The following SHC4 variants were observed in gnomAD, a reference collection of about 807,000 sequenced individuals.
The protein encoded by SHC4 is SHC adaptor protein 4.
SHC4 carries 41 observed loss-of-function variants against 69.4 expected under a neutral mutation model. That is an observed-to-expected ratio of 0.59 (90% CI 0.46 to 0.77). SHC4 has a LOEUF of 0.77. Ranked by LOEUF, SHC4 falls within the 30% of genes least tolerant of loss-of-function variation. The pLI is 0.00. For missense variants in SHC4, 777 were observed against 783.8 expected, an observed-to-expected ratio of 0.99 and a Z score of 0.10; for synonymous variants, 318 against 299.3, an observed-to-expected ratio of 1.06 and a Z score of -0.64.
intron 2 of SHC4, among the ~76,000 whole-genome samples, chr15:48,911,728 G>A (rs980635501): frequency 3.3e-5 from 5 of 152,102 alleles, no homozygotes; most frequent in African/African-American, 1.2e-4. Flanking sequence ...CTGTTTTGAT[G>A]TGTTTCCAGG....
chr15:48,934,358 G>A (rs546212947), intron 1 of SHC4, among the ~76,000 whole-genome samples: 19 of 152,216 alleles, frequency 1.2e-4, no homozygotes, highest in African/African-American at 4.3e-4. Context: ...TTTACCATTG[G>A]GAAATGCAAA....
intron 1 of SHC4, among the ~76,000 whole-genome samples, chr15:48,927,344 C>T (rs1900872478): frequency 6.6e-6 from 1 of 152,128 alleles, no homozygotes; most frequent in South Asian, 2.1e-4. Flanking sequence ...GCCTGGATCC[C>T]CTCCAATACC....
At chr15:48,844,096 C>A (rs1899043885) in intron 9 of SHC4, among the ~76,000 whole-genome samples, 1 of 152,152 alleles carries the variant, frequency 6.6e-6, no homozygotes, top group South Asian at 2.1e-4. Flanking sequence ...CAATAAAATT[C>A]TTAAGAGTAG....
At chr15:48,950,786 A>G (rs1362426019) in intron 1 of SHC4, among the ~76,000 whole-genome samples, 1 of 152,050 alleles carries the variant, frequency 6.6e-6, no homozygotes, top group East Asian at 1.9e-4. Context: ...GTGACAGTGG[A>G]GGTGTGGGAT....
rs541627364 is a variant in SHC4 at position 48,941,038 on chromosome 15, C to T, written c.586-16089G>A. Among the ~76,000 whole-genome samples, 11 of 152,242 alleles carry T rather than the reference C, an allele frequency of 7.2e-5. No homozygotes were observed. The South Asian group carries it at 1.7e-3, about 23-fold the overall frequency. ...ATATGACTAAAAGCACACCAGGGCTCGAAGGGACCTTAGAGATGATCCATT... is the reference window on the plus strand; with the variant it reads ...ATATGACTAAAAGCACACCAGGGCTTGAAGGGACCTTAGAGATGATCCATT... On this transcript the variant is annotated intron_variant, in intron 1 of 11. Coordinates refer to ENST00000332408, the MANE Select transcript of SHC4 (RefSeq NM_203349.4).
At chr15:48,865,844 C>T (rs1357510001) in intron 6 of SHC4, among the ~76,000 whole-genome samples, 1 of 152,174 alleles carries the variant, frequency 6.6e-6, no homozygotes, top group Non-Finnish European at 1.5e-5. Flanking sequence ...ACAAATGACT[C>T]AGGCACCAGA....
chr15:48,905,313 T>C (rs1247209891), intron 2 of SHC4, among the ~76,000 whole-genome samples: 1 of 152,162 alleles, frequency 6.6e-6, no homozygotes, highest in African/African-American at 2.4e-5. Context: ...CCAAAAATGA[T>C]GGATGATGGA....
chr15:48,888,369 A>G (rs1900074573), intron 3 of SHC4, among the ~76,000 whole-genome samples: 2 of 152,200 alleles, frequency 1.3e-5, no homozygotes, highest in African/African-American at 4.8e-5. Flanking sequence ...TCATAAAAGG[A>G]CCAATACTGT....
chr15:48,911,703 T>A (rs1900512291), intron 2 of SHC4, among the ~76,000 whole-genome samples: 1 of 152,206 alleles, frequency 6.6e-6, no homozygotes, highest in Non-Finnish European at 1.5e-5. Context: ...GTGTGATTTA[T>A]GCTTTAAAGA....
intron 1 of SHC4, among the ~76,000 whole-genome samples, chr15:48,932,937 G>T (rs1323496634): frequency 6.6e-6 from 1 of 152,056 alleles, no homozygotes; most frequent in Non-Finnish European, 1.5e-5. Flanking sequence ...TTTTAAGAAA[G>T]AATGGGATAT....
rs948204564 is a variant in SHC4, at chr15:48,962,811, T to C, written c.205A>G (p.Thr69Ala). The part of the protein sequence containing the change: ...PHPALAPHLP[T>A]EDATLPSQES... ...TGCGACGGCAAGGTGGCATCTTCAG[T>C]CGGCAGGTGAGGTGCCAGGGCGGGG... The change falls in exon 1 of 12, where the codon ACT becomes GCT. Residue 69 changes from threonine (T) to alanine (A), a missense_variant. Physicochemically the swap from Thr to Ala is moderately conservative, Grantham distance 58. Coordinates refer to ENST00000332408, the MANE Select transcript of SHC4 (RefSeq NM_203349.4). The C allele has an allele frequency of 1.9e-6, 3 of 1,610,072 alleles. No individual in the cohort carries two copies. In the African/African-American group the frequency reaches 4.0e-5, roughly 22 times the overall value.
rs74012190 is a variant in SHC4, at chr15:48,919,652, G to A, written c.656+5227C>T. ...CCACCATGGACCCATGATGTCCATG[G>A]TCATCTTCCCTCTGCCTTCAGCTCT... On this transcript the variant is annotated intron_variant, in intron 2 of 11. Transcript: ENST00000332408. 6.9e-3 allele frequency among the ~76,000 whole-genome samples: 1,051 copies of A among 152,014 alleles called. 19 individuals are homozygous for A. The highest frequency in any genetic ancestry group is 0.024 in the African/African-American group (1,005 of 41,466).
chr15:48,881,375 C>CAA (rs34708269), intron 4 of SHC4, among the ~76,000 whole-genome samples: 8,038 of 108,896 alleles, frequency 0.074, 423 homozygotes, highest in East Asian at 0.24. Flanking sequence ...AAAAACAAAG[C>CAA]AAAAAAAAAA....
intron 8 of SHC4, among the ~76,000 whole-genome samples, chr15:48,854,873 T>C (rs575274307): frequency 5.3e-5 from 8 of 152,334 alleles, no homozygotes; most frequent in African/African-American, 1.9e-4. Context: ...CTATGCTCAC[T>C]ACCTGGCTGA....
intron 7 of SHC4, among the ~76,000 whole-genome samples, chr15:48,856,368 C>T (rs1374774329): frequency 6.6e-6 from 1 of 152,086 alleles, no homozygotes; most frequent in African/African-American, 2.4e-5. Flanking sequence ...TTTTGTGTCT[C>T]CTCCAGTGAT....
At chr15:48,936,237 G>A (rs543647941) in intron 1 of SHC4, among the ~76,000 whole-genome samples, 3 of 152,274 alleles carry the variant, frequency 2.0e-5, no homozygotes, top group African/African-American at 7.2e-5. Flanking sequence ...ATCTGGATTT[G>A]TTCAGTCATT....
rs2140959187 is a variant in SHC4 at position 48,824,083 on chromosome 15, C to A, written c.*1888G>T. ...GTCTCTGATAAAAGTGGTTAGACTA[C>A]CCATACATTTCTACTGTCTATACTC... On this transcript the variant is annotated 3_prime_UTR_variant, in exon 12 of 12. Transcript: ENST00000332408. 1 of 152,268 alleles carries A rather than the reference C, an allele frequency of 6.6e-6. No homozygotes were observed. Among genetic ancestry groups the A allele is most frequent in the South Asian group, 2.1e-4 (1 of 4,834 alleles). The allele number at this position is 152,268 out of a possible 1,614,324, so 9.4% of individuals were successfully genotyped here.
chr15:48,928,831 T>TA (rs1038186432), intron 1 of SHC4, among the ~76,000 whole-genome samples: 1 of 152,140 alleles, frequency 6.6e-6, no homozygotes, highest in African/African-American at 2.4e-5. Context: ...TCTTTACTCT[T>TA]ACGGTGGTTA....
chr15:48,868,801 A>G (rs960130623), intron 5 of SHC4, among the ~76,000 whole-genome samples: 4 of 152,234 alleles, frequency 2.6e-5, no homozygotes, highest in African/African-American at 9.6e-5. Context: ...GGGCAATTAA[A>G]GAAAATAATA....
Sources: allele counts gnomAD v4.1 joint callset (sites outside exome capture counted in the v4.1 genomes callset), GRCh38; gene constraint gnomAD v4.1.1; transcripts MANE v1.5; gene names NCBI Gene and HGNC (gene_info 2026-07-23, HGNC 2026-07-21).